The following AFF2 variants were observed in gnomAD, a reference collection of about 807,000 sequenced individuals.
AFF2 encodes the protein ALF transcription elongation factor 2.
In AFF2, 14 loss-of-function variants were observed where a neutral mutation model predicts 76.9. The ratio of observed to expected loss-of-function variants is 0.18; its 90% confidence interval spans 0.12 to 0.28. The LOEUF is 0.28. Among genes scored for constraint, AFF2 ranks in the 10% least tolerant of loss-of-function variants. AFF2 has a pLI of 1.00. For missense variants in AFF2, 868 were observed against 1,001.1 expected, an observed-to-expected ratio of 0.87 and a Z score of 1.79; for synonymous variants, 398 against 366.7, an observed-to-expected ratio of 1.09 and a Z score of -0.98.
chrX:148,721,027 T>G (rs1557263760), intron 3 of AFF2, among the ~76,000 whole-genome samples: 1 of 111,877 alleles, frequency 8.9e-6, no homozygotes, highest in African/African-American at 3.2e-5. Context: ...TCAGGTAGTT[T>G]AGTTGATTGA....
At chrX:148,544,975 A>G (rs2052902990) in intron 1 of AFF2, among the ~76,000 whole-genome samples, 1 of 112,087 alleles carries the variant, frequency 8.9e-6, no homozygotes, top group African/African-American at 3.2e-5. Context: ...CCTTCCATCA[A>G]CCTTTACTAA....
intron 7 of AFF2, among the ~76,000 whole-genome samples, chrX:148,845,970 T>A (rs782554969): frequency 7.0e-4 from 79 of 112,084 alleles, no homozygotes; most frequent in African/African-American, 2.5e-3. Flanking sequence ...AAAATGCAGA[T>A]CTTCCATTGG....
intron 3 of AFF2, among the ~76,000 whole-genome samples, chrX:148,714,171 T>C (rs1306933134): frequency 1.3e-4 from 14 of 111,920 alleles, no homozygotes; most frequent in Admixed American, 3.8e-4. Flanking sequence ...TGCAAGAGCA[T>C]TCCATTTCTA....
intron 9 of AFF2, among the ~76,000 whole-genome samples, chrX:148,935,501 T>A (rs1377576459): frequency 9.0e-6 from 1 of 111,240 alleles, no homozygotes; most frequent in African/African-American, 3.3e-5. Flanking sequence ...CAGTAGCTCA[T>A]TTTCAGAGGT....
At chrX:148,990,582 A>C (rs1236501150) in intron 20 of AFF2, among the ~76,000 whole-genome samples, 1 of 112,493 alleles carries the variant, frequency 8.9e-6, no homozygotes, top group Non-Finnish European at 1.9e-5. Context: ...TAAGTGAACC[A>C]AGGGGAAATC....
chrX:148,694,255 A>C (rs1305355804), intron 3 of AFF2, among the ~76,000 whole-genome samples: 1 of 110,464 alleles, frequency 9.1e-6, no homozygotes, highest in Non-Finnish European at 1.9e-5. Context: ...AGCATGTCAC[A>C]TATATACACA....
chrX:148,722,621 G>A (rs782607268), intron 3 of AFF2, among the ~76,000 whole-genome samples: 212 of 110,880 alleles, frequency 1.9e-3, no homozygotes, highest in Middle Eastern at 4.6e-3. Context: ...TCCCTAGTTC[G>A]TCCTCCATAC....
At chrX:148,592,586 G>A (rs934464340) in intron 1 of AFF2, among the ~76,000 whole-genome samples, 2 of 111,516 alleles carry the variant, frequency 1.8e-5, no homozygotes, top group African/African-American at 3.3e-5. Context: ...CCTTCATGAA[G>A]TTTCCCTGAA....
At chrX:148,844,236 G>A (rs988275611) in intron 7 of AFF2, among the ~76,000 whole-genome samples, 4 of 111,729 alleles carry the variant, frequency 3.6e-5, no homozygotes, top group Admixed American at 2.8e-4. Context: ...TGAGTGGATT[G>A]CTATGGCCAG....
intron 3 of AFF2, among the ~76,000 whole-genome samples, chrX:148,710,806 G>C (rs2054958188): frequency 9.0e-6 from 1 of 111,221 alleles, no homozygotes; most frequent in African/African-American, 3.3e-5. Context: ...ATAGCCCTTG[G>C]AGGCAAATTT....
chrX:148,627,686 A>G (rs995979216), intron 1 of AFF2, among the ~76,000 whole-genome samples: 1 of 112,194 alleles, frequency 8.9e-6, no homozygotes, highest in Admixed American at 9.4e-5. Context: ...GTGAACAAAG[A>G]GCAGTAAAGG....
intron 9 of AFF2, among the ~76,000 whole-genome samples, chrX:148,938,303 T>C: frequency 8.9e-6 from 1 of 112,288 alleles, no homozygotes; most frequent in Non-Finnish European, 1.9e-5. Context: ...AGATTCCTCT[T>C]ACATTTTCAC....
intron 4 of AFF2, among the ~76,000 whole-genome samples, chrX:148,821,251 A>T: frequency 9.0e-6 from 1 of 111,531 alleles, no homozygotes; most frequent in Non-Finnish European, 1.9e-5. Flanking sequence ...GAGATGATGC[A>T]TATGAAACCT....
At chrX:148,989,027 G>C (rs1235050889) in intron 20 of AFF2, among the ~76,000 whole-genome samples, 3 of 112,075 alleles carry the variant, frequency 2.7e-5, no homozygotes, top group Non-Finnish European at 5.6e-5. Context: ...ATTAATGACA[G>C]GTCCTCAGAG....
At chrX:148,693,709 C>A (rs2054680900) in intron 3 of AFF2, among the ~76,000 whole-genome samples, 1 of 111,855 alleles carries the variant, frequency 8.9e-6, no homozygotes, top group Admixed American at 9.5e-5. Context: ...TGATATAATT[C>A]TCCCTTCTGT....
At chrX:148,597,070 A>G (rs1053556203) in intron 1 of AFF2, among the ~76,000 whole-genome samples, 1 of 111,939 alleles carries the variant, frequency 8.9e-6, no homozygotes, top group Non-Finnish European at 1.9e-5. Context: ...GGCTTACCCT[A>G]TTTTCTATGG....
intron 4 of AFF2, among the ~76,000 whole-genome samples, chrX:148,821,025 A>T (rs1042549797): frequency 9.0e-6 from 1 of 110,879 alleles, no homozygotes; most frequent in African/African-American, 3.3e-5. Context: ...AAGGCCTCAA[A>T]TGGTGGAATC....
chrX:148,698,805 T>G (rs980954208), intron 3 of AFF2, among the ~76,000 whole-genome samples: 3 of 107,018 alleles, frequency 2.8e-5, no homozygotes, highest in Admixed American at 1.0e-4. Flanking sequence ...GTGTTTTTTT[T>G]TTTTTTTTTT....
At chrX:148,813,146 G>A (rs1557271920) in intron 4 of AFF2, among the ~76,000 whole-genome samples, 1 of 112,328 alleles carries the variant, frequency 8.9e-6, no homozygotes, top group Non-Finnish European at 1.9e-5. Flanking sequence ...ATTATTTCAT[G>A]AAATCGAAGT....
Sources: gnomAD v4.1 joint callset for allele counts (sites outside exome capture counted in the v4.1 genomes callset) on GRCh38, gnomAD v4.1.1 for gene constraint, MANE v1.5 for transcripts, NCBI Gene and HGNC (gene_info 2026-07-23, HGNC 2026-07-21) for gene names.